The following GBE1 variants were observed in gnomAD, a reference collection of about 807,000 sequenced individuals.
The protein encoded by GBE1 is 1,4-alpha-glucan-branching enzyme.
In GBE1, 70 loss-of-function variants were observed where a neutral mutation model predicts 88.8. That is an observed-to-expected ratio of 0.79 (90% confidence interval 0.65 to 0.96). The LOEUF (loss-of-function observed/expected upper bound fraction) is 0.96. Among genes scored for constraint, GBE1 ranks in the 40% least tolerant of loss-of-function variants. The pLI, the probability that GBE1 is intolerant of heterozygous loss-of-function variation, is 0.00. For missense variants in GBE1, 872 were observed against 871.0 expected, an observed-to-expected ratio of 1.00 and a Z score of -0.01; for synonymous variants, 284 against 300.1, an observed-to-expected ratio of 0.95 and a Z score of 0.56.
chr3:81,586,172 C>T lies in GBE1; in HGVS notation c.1255G>A (p.Ala419Thr). 6.2e-7 allele frequency: 1 copy of T among 1,605,348 alleles called. No individual in the cohort carries two copies. ...TIAEDVSGMP[A>T]LCSPISQGGG... is the part of the protein sequence containing the mutation. ...CCCTGGGAAATTGGAGAGCACAGAG[C>T]TGGCATTCCTGATACATCCTACAAC... is the stretch of plus-strand genomic sequence containing the variant. The change falls in exon 10 of 16, where the codon GCT becomes ACT. Residue 419 changes from alanine to threonine, a missense_variant. Transcript: ENST00000429644.
In GBE1 at chr3:81,702,942, C is replaced by T. The variant is rs73853469; in HGVS notation, c.313+2502G>A. Reference sequence around the variant, plus strand: ...TCACAAATCTAGTTTTCATATAGTCCCTTTCCTATATTTTTATGTTTATAG... The same window carrying T: ...TCACAAATCTAGTTTTCATATAGTCTCTTTCCTATATTTTTATGTTTATAG... On this transcript the variant is annotated intron_variant, in intron 2 of 15. Transcript: ENST00000429644. Among the ~76,000 whole-genome samples the T allele has an allele frequency of 9.1e-3, 1,386 of 151,802 alleles. 22 individuals carry two copies. Among genetic ancestry groups the T allele is most frequent in the African/African-American group, 0.028 (1,164 of 41,412 alleles).
chr3:81,757,379 C>G (rs1322612520), intron 1 of GBE1, among the ~76,000 whole-genome samples: 1 of 152,154 alleles, frequency 6.6e-6, no homozygotes, highest in Non-Finnish European at 1.5e-5. Flanking sequence ...GTACCATGAT[C>G]AGATTTGTTT....
intron 14 of GBE1, among the ~76,000 whole-genome samples, chr3:81,529,468 C>T (rs1334723257): frequency 6.6e-6 from 1 of 151,912 alleles, no homozygotes; most frequent in Admixed American, 6.6e-5. Flanking sequence ...TGAAGTACTC[C>T]CTTTAGCATT....
intron 7 of GBE1, among the ~76,000 whole-genome samples, chr3:81,598,459 G>T (rs2106964471): frequency 6.6e-6 from 1 of 151,932 alleles, no homozygotes; most frequent in Admixed American, 6.6e-5. Flanking sequence ...ATTCTAAAAT[G>T]TCAATGTTTA....
chr3:81,536,459 A>T (rs1703074538), intron 13 of GBE1, among the ~76,000 whole-genome samples: 1 of 151,972 alleles, frequency 6.6e-6, no homozygotes, highest in African/African-American at 2.4e-5. Flanking sequence ...GTATAATGGC[A>T]TCTATTGAAA....
intron 3 of GBE1, chr3:81,654,656 T>C (rs1704904598): frequency 6.6e-6 from 1 of 152,082 alleles, no homozygotes; most frequent in South Asian, 2.1e-4. Context: ...TTTAAAAAAT[T>C]TTTGCTTAAA....
intron 14 of GBE1, chr3:81,534,885 G>A (rs1703053354): frequency 8.4e-6 from 2 of 237,548 alleles, no homozygotes; most frequent in Non-Finnish European, 1.6e-5. Flanking sequence ...TGGTGGATGT[G>A]GGGACCTGGA....
intron 12 of GBE1, among the ~76,000 whole-genome samples, chr3:81,543,307 T>G (rs1703165721): frequency 6.6e-6 from 1 of 152,116 alleles, no homozygotes; most frequent in Non-Finnish European, 1.5e-5. Context: ...TATCAGTGAT[T>G]GTAGACAAAA....
At chr3:81,668,994 A>G (rs1705152553) in intron 3 of GBE1, among the ~76,000 whole-genome samples, 1 of 152,228 alleles carries the variant, frequency 6.6e-6, no homozygotes, top group African/African-American at 2.4e-5. Flanking sequence ...ATATTACAGT[A>G]CCAGGTACAC....
rs562935442 is a variant in GBE1 at position 81,527,917 on chromosome 3, C to T, written c.1934+7278G>A. 4.6e-5 allele frequency among the ~76,000 whole-genome samples: 7 copies of T among 152,026 alleles called. No homozygotes were observed. In the South Asian group the frequency reaches 6.2e-4, roughly 14 times the overall value. ...ATGCCGCTATAAAGACACATGCACACGTATGTTTATTGCGGCACTATTCAC... is the reference window on the plus strand; with the variant it reads ...ATGCCGCTATAAAGACACATGCACATGTATGTTTATTGCGGCACTATTCAC... On this transcript the variant is annotated intron_variant, in intron 14 of 15. Transcript: ENST00000429644.
chr3:81,686,716 T>C (rs898223075), intron 2 of GBE1, among the ~76,000 whole-genome samples: 4 of 151,932 alleles, frequency 2.6e-5, no homozygotes, highest in Non-Finnish European at 5.9e-5. Context: ...GATCACACCA[T>C]TGCACTCCAG....
chr3:81,700,189 A>C (rs1705666522), intron 2 of GBE1, among the ~76,000 whole-genome samples: 1 of 152,176 alleles, frequency 6.6e-6, no homozygotes. Context: ...TGTTTGTAAA[A>C]TGTCATGCCA....
intron 14 of GBE1, among the ~76,000 whole-genome samples, chr3:81,504,386 T>C (rs1406511093): frequency 2.0e-5 from 3 of 152,148 alleles, no homozygotes; most frequent in Non-Finnish European, 4.4e-5. Context: ...CTTGTTCTAG[T>C]CCATTTCTTA....
chr3:81,761,221 G>C (rs1261160962), intron 1 of GBE1, among the ~76,000 whole-genome samples, 154 bp downstream of exon 1: 1 of 152,250 alleles, frequency 6.6e-6, no homozygotes, highest in African/African-American at 2.4e-5. Context: ...CACAGAACCC[G>C]GTTACCCGAG....
intron 1 of GBE1, among the ~76,000 whole-genome samples, chr3:81,753,651 C>T (rs3772883): frequency 0.45 from 68,868 of 151,900 alleles, 16,790 homozygotes; most frequent in East Asian, 0.86. Context: ...AGATGCTCCA[C>T]GAAGTCATTT....
At chr3:81,629,381 G>A (rs1704472609) in intron 7 of GBE1, among the ~76,000 whole-genome samples, 1 of 151,702 alleles carries the variant, frequency 6.6e-6, no homozygotes, top group Admixed American at 6.6e-5. Context: ...TGGCTGCATA[G>A]TATTCCATGG....
intron 1 of GBE1, among the ~76,000 whole-genome samples, chr3:81,750,644 T>TGTATATATATATAC (rs1706508409): frequency 7.9e-5 from 4 of 50,898 alleles, no homozygotes; most frequent in African/African-American, 5.8e-4. Context: ...TATATATATA[T>TGTATATATATATAC]GTATATATAT....
Position 81,627,426 on chromosome 3 carries a change from A to G in GBE1, c.992+15355T>C, listed in dbSNP as rs887827308. ...TTCGTATAAAGGAGAAAAGCAAACT[A>G]TGATAATAATGCAATCCAATAACTG... is the stretch of plus-strand genomic sequence containing the variant. On this transcript the variant is annotated intron_variant, in intron 7 of 15. Transcript: ENST00000429644. Among the ~76,000 whole-genome samples the G allele has an allele frequency of 3.3e-5, 5 of 152,204 alleles. No individual in the cohort carries two copies. The South Asian group carries it at 1.0e-3, about 32-fold the overall frequency.
intron 2 of GBE1, among the ~76,000 whole-genome samples, chr3:81,685,315 T>TTTGTTG (rs373839984): frequency 2.0e-5 from 3 of 151,968 alleles, no homozygotes; most frequent in South Asian, 4.2e-4. Context: ...AGACAAGTTT[T>TTTGTTG]TTGTTGTTGT....
Sources: allele counts gnomAD v4.1 joint callset (sites outside exome capture counted in the v4.1 genomes callset), GRCh38; gene constraint gnomAD v4.1.1; transcripts MANE v1.5; gene names NCBI Gene and HGNC (gene_info 2026-07-23, HGNC 2026-07-21).